Variants in SGCZ observed in about 807,000 individuals in gnomAD.
SGCZ encodes the protein sarcoglycan zeta.
Under a neutral mutation model 41.3 loss-of-function variants are expected in SGCZ, and 40 were observed. That is an observed-to-expected ratio of 0.97 (90% CI 0.75 to 1.26). SGCZ has a LOEUF of 1.26. Ranked by LOEUF, SGCZ falls within the 50% of genes most tolerant of loss-of-function variation. The pLI, the probability that SGCZ is intolerant of heterozygous loss-of-function variation, is 0.00. For synonymous variants in SGCZ, 206 were observed against 137.5 expected, an observed-to-expected ratio of 1.50 and a Z score of -3.49; for missense variants, 552 against 369.8, an observed-to-expected ratio of 1.49 and a Z score of -4.04.
intron 1 of SGCZ, among the ~76,000 whole-genome samples, chr8:14,913,609 C>A (rs1054959509): frequency 1.3e-5 from 2 of 152,034 alleles, no homozygotes; most frequent in Non-Finnish European, 2.9e-5. Flanking sequence ...TCTGACTTTT[C>A]TTCTACCATA....
intron 1 of SGCZ, among the ~76,000 whole-genome samples, chr8:15,132,383 T>G (rs1482364558): frequency 6.6e-6 from 1 of 152,126 alleles, no homozygotes; most frequent in African/African-American, 2.4e-5. Context: ...GTCTAACACC[T>G]CAATCTCCCC....
intron 1 of SGCZ, among the ~76,000 whole-genome samples, chr8:15,018,394 A>G (rs1167276426): frequency 6.6e-6 from 1 of 152,234 alleles, no homozygotes; most frequent in Non-Finnish European, 1.5e-5. Flanking sequence ...GGGAGTAATC[A>G]GTATTACAGT....
intron 1 of SGCZ, among the ~76,000 whole-genome samples, chr8:15,193,456 T>A (rs1800607397): frequency 6.6e-6 from 1 of 152,058 alleles, no homozygotes; most frequent in South Asian, 2.1e-4. Context: ...ATTCATTTAA[T>A]CCTTGTAAAA....
intron 1 of SGCZ, among the ~76,000 whole-genome samples, chr8:14,693,128 G>C (rs554983967): frequency 5.9e-5 from 9 of 152,184 alleles, no homozygotes; most frequent in African/African-American, 1.9e-4. Context: ...GTAAGATTAA[G>C]TAAATTGTTA....
intron 4 of SGCZ, among the ~76,000 whole-genome samples, chr8:14,204,280 G>C: frequency 6.8e-6 from 1 of 146,384 alleles, no homozygotes; most frequent in Non-Finnish European, 1.5e-5. Flanking sequence ...CACTCTGAAT[G>C]TTTTTTTTTT....
At chr8:14,803,789 C>G (rs927482288) in intron 1 of SGCZ, among the ~76,000 whole-genome samples, 16 of 148,092 alleles carry the variant, frequency 1.1e-4, no homozygotes, top group Admixed American at 4.7e-4. Context: ...CACAGACAAA[C>G]AAAAAGACAG....
intron 2 of SGCZ, among the ~76,000 whole-genome samples, chr8:14,546,129 C>T (rs575092493): frequency 5.9e-5 from 9 of 152,236 alleles, no homozygotes; most frequent in Admixed American, 2.0e-4. Flanking sequence ...GCAACATTAA[C>T]GATATCATTT....
chr8:14,585,437 T>C (rs1805026054), intron 1 of SGCZ, among the ~76,000 whole-genome samples: 1 of 152,138 alleles, frequency 6.6e-6, no homozygotes, highest in Non-Finnish European at 1.5e-5. Context: ...TTTTCTATTT[T>C]CATTGTAGGG....
intron 1 of SGCZ, among the ~76,000 whole-genome samples, chr8:14,767,017 C>G (rs1180021479): frequency 1.3e-5 from 2 of 152,184 alleles, no homozygotes; most frequent in Non-Finnish European, 2.9e-5. Flanking sequence ...ACATCCCATG[C>G]TTAACAGTTA....
chr8:14,281,851 G>C (rs1213552396), intron 3 of SGCZ, among the ~76,000 whole-genome samples: 1 of 103,706 alleles, frequency 9.6e-6, no homozygotes, highest in East Asian at 3.1e-4. Context: ...AATTAAGTTT[G>C]TCAGAACCAT....
chr8:15,103,930 A>C (rs1023122323), intron 1 of SGCZ, among the ~76,000 whole-genome samples: 3 of 152,154 alleles, frequency 2.0e-5, no homozygotes, highest in African/African-American at 7.2e-5. Flanking sequence ...ATTAGTGGAA[A>C]CTCTTTATGA....
chr8:15,187,537 T>A (rs1800384377), intron 1 of SGCZ, among the ~76,000 whole-genome samples: 1 of 152,050 alleles, frequency 6.6e-6, no homozygotes. Context: ...CTGCATGAGT[T>A]AATTTATTGT....
chr8:14,283,149 T>G (rs1001492314), intron 3 of SGCZ, among the ~76,000 whole-genome samples: 2 of 151,174 alleles, frequency 1.3e-5, no homozygotes, highest in African/African-American at 4.9e-5. Flanking sequence ...GTGCCCAGCC[T>G]CAAATACTTT....
At chr8:15,071,541 T>A (rs942221594) in intron 1 of SGCZ, among the ~76,000 whole-genome samples, 2 of 152,174 alleles carry the variant, frequency 1.3e-5, no homozygotes, top group African/African-American at 4.8e-5. Context: ...AAATAAAACA[T>A]TAGAAATATT....
At chr8:14,548,807 C>T (rs565174017) in intron 2 of SGCZ, among the ~76,000 whole-genome samples, 34 of 152,122 alleles carry the variant, frequency 2.2e-4, no homozygotes, top group African/African-American at 7.7e-4. Context: ...GCATATGAGA[C>T]CAAATTGGGT....
chr8:14,288,565 A>C (rs1329876065), intron 3 of SGCZ, among the ~76,000 whole-genome samples: 1 of 152,156 alleles, frequency 6.6e-6, no homozygotes, highest in Non-Finnish European at 1.5e-5. Flanking sequence ...TTCACTTAGC[A>C]TGATGTTTTC....
At chr8:15,165,160 C>T (rs1041333298) in intron 1 of SGCZ, among the ~76,000 whole-genome samples, 10 of 152,092 alleles carry the variant, frequency 6.6e-5, no homozygotes, top group African/African-American at 2.4e-4. Context: ...CGTGGTGGTA[C>T]ATGCCTGTAA....
At chr8:14,516,075 A>G (rs1188996279) in intron 2 of SGCZ, among the ~76,000 whole-genome samples, 2 of 151,960 alleles carry the variant, frequency 1.3e-5, no homozygotes, top group African/African-American at 2.4e-5. Context: ...CTGATTTAAA[A>G]ATGGCACTTG....
At chr8:14,181,978 T>C (rs143376694) in intron 4 of SGCZ, among the ~76,000 whole-genome samples, 13 of 152,320 alleles carry the variant, frequency 8.5e-5, no homozygotes, top group East Asian at 7.7e-4. Flanking sequence ...CATTCTCAAA[T>C]TGGTTACATA....
Sources: allele counts gnomAD v4.1 joint callset (sites outside exome capture counted in the v4.1 genomes callset), GRCh38; gene constraint gnomAD v4.1.1; transcripts MANE v1.5; gene names NCBI Gene and HGNC (gene_info 2026-07-23, HGNC 2026-07-21).